The following THRAP3 variants were observed in gnomAD, a reference collection of about 807,000 sequenced individuals.
The protein encoded by THRAP3 is thyroid hormone receptor associated protein 3, also known as thyroid hormone receptor-associated protein 3.
In THRAP3, 16 loss-of-function variants were observed where a neutral mutation model predicts 101.0. The observed-to-expected ratio is 0.16, with a 90% CI of 0.11 to 0.24. The LOEUF (loss-of-function observed/expected upper bound fraction) is 0.24. Ranked by LOEUF, THRAP3 falls within the 10% of genes least tolerant of loss-of-function variation. The probability of loss-of-function intolerance (pLI) is 1.00; values close to 1 mark genes in which losing one functional copy is unlikely to be tolerated. For synonymous variants in THRAP3, 407 were observed against 422.6 expected, an observed-to-expected ratio of 0.96 and a Z score of 0.45; for missense variants, 989 against 1,202.7, an observed-to-expected ratio of 0.82 and a Z score of 2.63.
chr1:36,219,963 C>T (rs1644894351), upstream of THRAP3, among the ~76,000 whole-genome samples: 1 of 152,160 alleles, frequency 6.6e-6, no homozygotes, highest in Admixed American at 6.5e-5. Flanking sequence ...TCTGCCTATG[C>T]TCTACAAATG....
At chr1:36,214,577 G>C in the THRAP3 span, among the ~76,000 whole-genome samples, 3 of 152,104 alleles carry the variant, frequency 2.0e-5, no homozygotes, top group Non-Finnish European at 4.4e-5. Context: ...AGGAAATGTG[G>C]GCCAGGCTCA....
chr1:36,257,766 A>G (rs1245230275), intron 1 of THRAP3, among the ~76,000 whole-genome samples: 2 of 152,222 alleles, frequency 1.3e-5, no homozygotes, highest in African/African-American at 4.8e-5. Flanking sequence ...GAGTAATAAA[A>G]TGGGAGATTT....
chr1:36,266,065 A>T (rs1003896927), intron 2 of THRAP3, among the ~76,000 whole-genome samples: 1 of 151,284 alleles, frequency 6.6e-6, no homozygotes, highest in African/African-American at 2.4e-5. Context: ...GAGGTAGGGG[A>T]ATTGCTTGAA....
At chr1:36,211,892 T>C in the THRAP3 span, among the ~76,000 whole-genome samples, 2 of 152,210 alleles carry the variant, frequency 1.3e-5, no homozygotes, top group African/African-American at 4.8e-5. Context: ...CTGATTTCCC[T>C]TTCCAGCTTC....
rs142363527 is a variant in THRAP3, at chr1:36,256,673, C to G, written c.-134-2709C>G. Among the ~76,000 whole-genome samples the G allele has an allele frequency of 1.8e-3, 279 of 152,354 alleles. 12 individuals are homozygous for G. The East Asian group carries it at 0.045, about 25-fold the overall frequency. On this transcript the variant is annotated intron_variant, in intron 1 of 11. Transcript: ENST00000354618. ...CTCCTATTTTATGCTCTAAACACTCCAGTGGCTGCCCTCATTACCCAGAGG... is the reference window on the plus strand; with the variant it reads ...CTCCTATTTTATGCTCTAAACACTCGAGTGGCTGCCCTCATTACCCAGAGG...
rs775104964 is a variant in THRAP3, at chr1:36,289,128, A to G, written c.1109A>G (p.Glu370Gly). ...CAGAAACAAACAAATACCGATAAAG[A>G]AAAAATAAAAGAGAAAGGGAGCTTC... The part of the protein sequence containing the change: ...KEQKQTNTDK[E>G]KIKEKGSFSD... Residue 370 changes from glutamate to glycine, a missense_variant, in exon 5 of 12, where the codon GAA (glutamate) becomes GGA (glycine). Physicochemically the swap from Glu to Gly is moderately conservative, Grantham distance 98. Transcript: ENST00000354618. 5 of 1,611,480 alleles carry G rather than the reference A, an allele frequency of 3.1e-6. No individual in the cohort carries two copies. In the Admixed American group the frequency reaches 8.4e-5, roughly 27 times the overall value.
intron 2 of THRAP3, among the ~76,000 whole-genome samples, chr1:36,278,102 T>G (rs939443258): frequency 6.7e-6 from 1 of 150,064 alleles, no homozygotes; most frequent in Non-Finnish European, 1.5e-5. Context: ...TCCTGCCTTG[T>G]TGCCCAGGCT....
chr1:36,216,664 T>C, the THRAP3 span, among the ~76,000 whole-genome samples: 1 of 151,992 alleles, frequency 6.6e-6, no homozygotes, highest in African/African-American at 2.4e-5. Context: ...TGCATGCCTG[T>C]GGTCCCAGCT....
In THRAP3 at chr1:36,289,257, A is replaced by T. The variant is rs1450099611; in HGVS notation, c.1238A>T (p.Lys413Met). 1 of 1,614,142 alleles carries T rather than the reference A, an allele frequency of 6.2e-7. No homozygotes were observed. The highest frequency in any genetic ancestry group is 8.5e-7 in the Non-Finnish European group (1 of 1,179,996). ...FRGSQSPKRY[K>M]LRDDFEKKMA... ...GGCAGTCAGTCTCCCAAAAGGTATA[A>T]GCTCCGAGATGACTTTGAGAAGAAG... Residue 413 changes from lysine (K) to methionine (M), a missense_variant, in exon 5 of 12, where the codon AAG (lysine) becomes ATG (methionine). Lys to Met is a moderately conservative substitution (Grantham distance 95, BLOSUM62 -1). Coordinates refer to ENST00000354618, the MANE Select transcript of THRAP3 (RefSeq NM_005119.4).
At chr1:36,220,510 TCAA>T (rs1199779798), upstream of THRAP3, among the ~76,000 whole-genome samples, 1 of 151,946 alleles carries the variant, frequency 6.6e-6, no homozygotes, top group Non-Finnish European at 1.5e-5. Flanking sequence ...TACGATACAA[TCAA>T]CTCTTGTTGT....
intron 1 of THRAP3, among the ~76,000 whole-genome samples, chr1:36,243,707 G>C (rs569492177): frequency 6.6e-6 from 1 of 152,146 alleles, no homozygotes; most frequent in South Asian, 2.1e-4. Flanking sequence ...TCAATGAGCC[G>C]CTGGGCACAC....
chr1:36,252,951 TATATATATATATA>T (rs1347649717), intron 1 of THRAP3, among the ~76,000 whole-genome samples: 258 of 138,892 alleles, frequency 1.9e-3, no homozygotes, highest in South Asian at 5.9e-3. Context: ...TATATATATA[TATATATATATATA>T]TATATAAATG....
the THRAP3 span, among the ~76,000 whole-genome samples, chr1:36,210,138 G>A: frequency 0.025 from 3,851 of 152,066 alleles, 67 homozygotes; most frequent in Middle Eastern, 0.061. Context: ...AGGCCGAGGC[G>A]GGAGGATCAC....
chr1:36,281,595 T>G (rs1039268734), intron 2 of THRAP3, among the ~76,000 whole-genome samples: 1 of 151,262 alleles, frequency 6.6e-6, no homozygotes, highest in Non-Finnish European at 1.5e-5. Flanking sequence ...TTTTTTTTAA[T>G]GTTACTTTCT....
intron 1 of THRAP3, among the ~76,000 whole-genome samples, chr1:36,241,013 C>T (rs199921244): frequency 6.6e-6 from 1 of 151,722 alleles, no homozygotes; most frequent in African/African-American, 2.4e-5. Context: ...GGGACCATCC[C>T]GGCTAACACG....
chr1:36,304,458 T>C lies in THRAP3; in HGVS notation c.*441T>C, dbSNP rs1355970094. 3.5e-5 allele frequency: 8 copies of C among 227,912 alleles called. No individual in the cohort carries two copies. The East Asian group carries it at 4.4e-4, about 12-fold the overall frequency. 14.1% of individuals were successfully genotyped at this position (227,912 alleles called of 1,614,324 possible). A position where few individuals can be genotyped will look rare whatever the true frequency, so the allele number is the denominator to read the frequency against. ...TAAAAGCCCCCTCCTTTTTTTTTTT[T>C]TTTTTCTTTTTTTAGGCATATGTAG... On this transcript the variant is annotated 3_prime_UTR_variant, in exon 12 of 12. Transcript: ENST00000354618.
At chr1:36,282,484 A>T in intron 2 of THRAP3, 49 bp from the exon 3 acceptor site, 1 of 1,400,848 alleles carries the variant, frequency 7.1e-7, no homozygotes, top group East Asian at 2.3e-5. Flanking sequence ...AGAGGTTCAC[A>T]TTTGCAAAGG....
At chr1:36,282,763 GA>G in intron 3 of THRAP3, 63 bp downstream of exon 3, 1 of 1,593,252 alleles carries the variant, frequency 6.3e-7, no homozygotes, top group Non-Finnish European at 8.6e-7. Context: ...GATGTTTGAA[GA>G]TCTTTTGTTA....
intron 1 of THRAP3, among the ~76,000 whole-genome samples, chr1:36,227,737 C>G (rs1367046867): frequency 6.6e-6 from 1 of 152,136 alleles, no homozygotes; most frequent in East Asian, 1.9e-4. Context: ...GATGGAAGAG[C>G]AAGAAGCAGA....
Sources: allele counts gnomAD v4.1 joint callset (sites outside exome capture counted in the v4.1 genomes callset), GRCh38; gene constraint gnomAD v4.1.1; transcripts MANE v1.5; gene names NCBI Gene and HGNC (gene_info 2026-07-23, HGNC 2026-07-21).